The following PEDS1 variants were observed in gnomAD, a reference collection of about 807,000 sequenced individuals.
PEDS1 encodes plasmanylethanolamine desaturase 1.
A neutral mutation model predicts 35.2 loss-of-function variants in PEDS1; 14 were observed. The observed-to-expected ratio is 0.40, with a 90% CI of 0.26 to 0.62. The LOEUF (loss-of-function observed/expected upper bound fraction) is 0.62. Ranked by LOEUF, PEDS1 falls within the 20% of genes least tolerant of loss-of-function variation. The probability of loss-of-function intolerance (pLI) is 0.44; values close to 1 mark genes in which losing one functional copy is unlikely to be tolerated. For missense variants in PEDS1, 260 were observed against 367.8 expected (o/e 0.71, Z 2.40); for synonymous variants, 152 against 152.0 (o/e 1.00, Z 0.00).
intron 1 of PEDS1, among the ~76,000 whole-genome samples, chr20:50,145,816 T>A (rs189483082): frequency 6.6e-6 from 1 of 152,196 alleles, no homozygotes. Flanking sequence ...AATTTTATCA[T>A]GGGTGTTTAA....
At chr20:50,149,884 G>C (rs1454828662) in intron 1 of PEDS1, among the ~76,000 whole-genome samples, 1 of 152,168 alleles carries the variant, frequency 6.6e-6, no homozygotes, top group Non-Finnish European at 1.5e-5. Context: ...TAGCCCTACT[G>C]CTGCCCGGTG....
chr20:50,133,222 G>A (rs1294144885), intron 2 of PEDS1, among the ~76,000 whole-genome samples: 2 of 151,952 alleles, frequency 1.3e-5, no homozygotes, highest in African/African-American at 4.8e-5. Context: ...GGCCTGGGGT[G>A]AGGGGCAGCC....
intron 1 of PEDS1, among the ~76,000 whole-genome samples, chr20:50,145,139 T>C (rs534817906): frequency 2.0e-5 from 3 of 151,866 alleles, no homozygotes; most frequent in Admixed American, 6.6e-5. Context: ...GAGGTGGAGA[T>C]TGCAGGGAGC....
intron 2 of PEDS1, among the ~76,000 whole-genome samples, chr20:50,140,535 G>A (rs1053492951): frequency 2.6e-5 from 4 of 152,274 alleles, no homozygotes; most frequent in East Asian, 1.9e-4. Context: ...TGCCAACCTC[G>A]GGGCCTTTGC....
intron 2 of PEDS1, among the ~76,000 whole-genome samples, chr20:50,138,563 G>A (rs1412466035): frequency 4.6e-5 from 7 of 152,370 alleles, no homozygotes; most frequent in South Asian, 4.1e-4. Flanking sequence ...AAGGCCTGGC[G>A]CCTGCACGCT....
chr20:50,149,021 G>A (rs968909915), intron 1 of PEDS1, among the ~76,000 whole-genome samples: 1 of 152,154 alleles, frequency 6.6e-6, no homozygotes, highest in African/African-American at 2.4e-5. Context: ...GCTGAGGCGG[G>A]AGGATCATTT....
chr20:50,130,377 T>G (rs1418432916), intron 3 of PEDS1, among the ~76,000 whole-genome samples: 4 of 152,038 alleles, frequency 2.6e-5, no homozygotes, highest in Admixed American at 1.3e-4. Flanking sequence ...AAAGTAGAGA[T>G]AGAGATGGAA....
chr20:50,128,149 A>G lies in PEDS1; in HGVS notation c.517T>C (p.Phe173Leu). ...EQLYPWECFV[F>L]CLIIFGTFTN... ...AAGGTGCCGAAGATGATCAGGCAGA[A>G]GACGAAGCACTCCCAGGGGTATAGC... Residue 173 changes from phenylalanine (F) to leucine (L), a missense_variant, in exon 5 of 6, where the codon TTC (phenylalanine) becomes CTC (leucine). Transcript: ENST00000371652. The surrounding 1 kb of genome is among the most constrained non-coding windows in gnomAD (Gnocchi z 5.2). The G allele has an allele frequency of 6.2e-7, 1 of 1,614,138 alleles. No individual in the cohort carries two copies. Among genetic ancestry groups the G allele is most frequent in the South Asian group, 1.1e-5 (1 of 91,084 alleles).
intron 2 of PEDS1, among the ~76,000 whole-genome samples, chr20:50,135,594 G>C (rs982169586): frequency 6.7e-5 from 10 of 148,202 alleles, no homozygotes; most frequent in African/African-American, 2.0e-4. Context: ...GAAGGTAGAG[G>C]TTGCGGTGAG....
intron 1 of PEDS1, chr20:50,151,245 G>A (rs1412732359): frequency 7.7e-7 from 1 of 1,304,160 alleles, no homozygotes; most frequent in Non-Finnish European, 1.0e-6. Context: ...GGCCTTGATT[G>A]CAGATTTGGG....
chr20:50,151,360 G>T, intron 1 of PEDS1: 1 of 1,212,698 alleles, frequency 8.2e-7, no homozygotes, highest in Non-Finnish European at 1.1e-6. Context: ...GATCGTGGTG[G>T]AGTGGGGAAA....
At position 50,123,975 on chromosome 20, in the gene PEDS1, C is replaced by A. The variant is rs1289748870; in HGVS notation, c.*1083G>T. ...TCATCATGATCAACAGGAAAGACCACTGTCCTCACCCAATCCCCTCCAAAA... is the reference window on the plus strand; with the variant it reads ...TCATCATGATCAACAGGAAAGACCAATGTCCTCACCCAATCCCCTCCAAAA... On this transcript the variant is annotated 3_prime_UTR_variant, in exon 6 of 6. Transcript: ENST00000371652. The A allele has an allele frequency of 6.6e-6, 1 of 152,292 alleles. No individual in the cohort carries two copies. Among genetic ancestry groups the A allele is most frequent in the East Asian group, 1.9e-4 (1 of 5,206 alleles). The allele number at this position is 152,292 out of a possible 1,614,324, so 9.4% of individuals were successfully genotyped here.
intron 1 of PEDS1, among the ~76,000 whole-genome samples, chr20:50,150,820 T>A (rs1195932317): frequency 6.6e-6 from 1 of 152,072 alleles, no homozygotes; most frequent in Admixed American, 6.5e-5. Flanking sequence ...CTCAGCCTCC[T>A]GAGTAGGTGG....
At chr20:50,140,669 A>G (rs1465816158) in intron 2 of PEDS1, among the ~76,000 whole-genome samples, 1 of 152,128 alleles carries the variant, frequency 6.6e-6, no homozygotes, top group Non-Finnish European at 1.5e-5. Flanking sequence ...CTACCCGCTT[A>G]GCTTGATTTT....
At chr20:50,152,549 A>C (rs992317842) in intron 1 of PEDS1, among the ~76,000 whole-genome samples, 8 of 147,704 alleles carry the variant, frequency 5.4e-5, no homozygotes, top group African/African-American at 1.9e-4. Context: ...TAGGAGTCAC[A>C]AAAGTGGGTG....
intron 1 of PEDS1, among the ~76,000 whole-genome samples, chr20:50,151,731 C>T (rs112625782): frequency 0.099 from 15,101 of 152,062 alleles, 2,408 homozygotes; most frequent in African/African-American, 0.34. Context: ...TGGTGGCGGG[C>T]GCCTGTAGTC....
intron 3 of PEDS1, among the ~76,000 whole-genome samples, chr20:50,130,582 G>A (rs545073141): frequency 1.3e-5 from 2 of 152,272 alleles, no homozygotes; most frequent in Non-Finnish European, 2.9e-5. Flanking sequence ...AAGCAGCAGG[G>A]GAGACAATGG....
chr20:50,151,867 T>TAAAAC (rs1176652412), intron 1 of PEDS1, among the ~76,000 whole-genome samples: 1 of 150,852 alleles, frequency 6.6e-6, no homozygotes, highest in Non-Finnish European at 1.5e-5. Flanking sequence ...TCAAAACAAA[T>TAAAAC]AAAACAAAAC....
intron 2 of PEDS1, among the ~76,000 whole-genome samples, chr20:50,134,090 T>TG (rs752294202): frequency 6.6e-6 from 1 of 152,344 alleles, no homozygotes; most frequent in African/African-American, 2.4e-5. Context: ...GATCAAGTGT[T>TG]GGGGGCCTCA....
Sources: gnomAD v4.1 joint callset for allele counts (sites outside exome capture counted in the v4.1 genomes callset) on GRCh38, gnomAD v4.1.1 for gene constraint, Gnocchi (gnomAD v3.1) non-coding constraint, MANE v1.5 for transcripts, NCBI Gene and HGNC (gene_info 2026-07-23, HGNC 2026-07-21) for gene names.